The following ADARB1 variants were observed in gnomAD, a reference collection of about 807,000 sequenced individuals.
ADARB1 encodes double-stranded RNA-specific editase 1.
Under a neutral mutation model 52.4 loss-of-function variants are expected in ADARB1, and 10 were observed. The ratio of observed to expected loss-of-function variants is 0.19; its 90% CI spans 0.12 to 0.32. The LOEUF is 0.32. ADARB1 is among the 10% of genes least tolerant of loss of function. The pLI, the probability that ADARB1 is intolerant of heterozygous loss-of-function variation, is 1.00. For synonymous variants in ADARB1, 349 were observed against 371.1 expected, an observed-to-expected ratio of 0.94 and a Z score of 0.68; for missense variants, 643 against 922.3, an observed-to-expected ratio of 0.70 and a Z score of 3.92.
At chr21:45,201,230 G>A (rs947385429) in intron 8 of ADARB1, among the ~76,000 whole-genome samples, 10 of 152,294 alleles carry the variant, frequency 6.6e-5, no homozygotes, top group Admixed American at 3.9e-4. Context: ...TCTCGCTGGC[G>A]CTAGGCGATT....
chr21:45,105,461 A>C (rs2087206184), intron 1 of ADARB1, among the ~76,000 whole-genome samples: 1 of 152,118 alleles, frequency 6.6e-6, no homozygotes, highest in African/African-American at 2.4e-5. Context: ...CATTGGTTTC[A>C]TTTTGGCCTA....
At chr21:45,192,020 C>A (rs2092314696) in intron 8 of ADARB1, among the ~76,000 whole-genome samples, 1 of 150,576 alleles carries the variant, frequency 6.6e-6, no homozygotes, top group African/African-American at 2.5e-5. Flanking sequence ...TCTTCTAGAA[C>A]AAATTTTTAG....
intron 1 of ADARB1, among the ~76,000 whole-genome samples, chr21:45,088,816 C>T (rs2086447923): frequency 6.6e-6 from 1 of 152,218 alleles, no homozygotes; most frequent in Non-Finnish European, 1.5e-5. Context: ...AGACAAGTTG[C>T]ATCATATGCC....
intron 1 of ADARB1, among the ~76,000 whole-genome samples, chr21:45,124,324 A>T (rs1463676884): frequency 6.6e-6 from 1 of 152,038 alleles, no homozygotes; most frequent in Non-Finnish European, 1.5e-5. Flanking sequence ...TTGTTTACTG[A>T]CTATAATCCA....
At chr21:45,082,919 G>A (rs146031312) in intron 1 of ADARB1, among the ~76,000 whole-genome samples, 62 of 152,290 alleles carry the variant, frequency 4.1e-4, no homozygotes, top group African/African-American at 1.2e-3. Context: ...GTCCCCCTGC[G>A]GCCTTCTTTC....
At chr21:45,168,420 G>T (rs2091341434) in intron 2 of ADARB1, among the ~76,000 whole-genome samples, 1 of 152,142 alleles carries the variant, frequency 6.6e-6, no homozygotes, top group Non-Finnish European at 1.5e-5. Flanking sequence ...ATTTTCTCCT[G>T]TAACTTTCTA....
At chr21:45,109,571 G>A (rs2087440814) in intron 1 of ADARB1, among the ~76,000 whole-genome samples, 1 of 152,242 alleles carries the variant, frequency 6.6e-6, no homozygotes, top group East Asian at 1.9e-4. Flanking sequence ...GGGGCTCTGC[G>A]CCCCCCCAGG....
chr21:45,080,734 A>T (rs770179955), intron 1 of ADARB1, among the ~76,000 whole-genome samples: 1 of 152,208 alleles, frequency 6.6e-6, no homozygotes. Flanking sequence ...CACCAAATTC[A>T]GTACTCAGAG....
chr21:45,203,123 A>C (rs1049971995), intron 8 of ADARB1, among the ~76,000 whole-genome samples: 1 of 151,966 alleles, frequency 6.6e-6, no homozygotes, highest in African/African-American at 2.4e-5. Context: ...AGATTGGGCC[A>C]CTCCAGAGGC....
At chr21:45,155,522 A>G (rs1455661421) in intron 2 of ADARB1, among the ~76,000 whole-genome samples, 2 of 151,970 alleles carry the variant, frequency 1.3e-5, no homozygotes, top group African/African-American at 4.8e-5. Context: ...ATTGTAGTCC[A>G]TCCATCTGTC....
At chr21:45,182,391 T>A (rs1039791277) in intron 5 of ADARB1, among the ~76,000 whole-genome samples, 194 bp from the exon 6 acceptor site, 1 of 152,174 alleles carries the variant, frequency 6.6e-6, no homozygotes, top group African/African-American at 2.4e-5. Flanking sequence ...GAGTCCTCAA[T>A]AGGAGGTTGT....
chr21:45,185,326 G>T (rs73232669), intron 8 of ADARB1, among the ~76,000 whole-genome samples: 2 of 152,200 alleles, frequency 1.3e-5, no homozygotes, highest in African/African-American at 2.4e-5. Context: ...CTATCCAAGC[G>T]TCTCAGAGTT....
At chr21:45,171,270 C>G (rs1010548599) in intron 2 of ADARB1, among the ~76,000 whole-genome samples, 2 of 152,210 alleles carry the variant, frequency 1.3e-5, no homozygotes, top group African/African-American at 2.4e-5. Flanking sequence ...TCAAACCCAC[C>G]CTCCTCAGAG....
rs1456305053 is a variant in ADARB1 at position 45,142,084 on chromosome 21, C to A, written c.-48+13511C>A. Reference sequence around the variant, plus strand: ...CTTAGCCACCCCCGGGCCACCTTGGCCACTCTGGGTCACCTTGTCTACCCC... The same window carrying A: ...CTTAGCCACCCCCGGGCCACCTTGGACACTCTGGGTCACCTTGTCTACCCC... On this transcript the variant is annotated intron_variant, in intron 2 of 10. Coordinates refer to ENST00000348831, the MANE Select transcript of ADARB1 (RefSeq NM_001112.4). The surrounding 1 kb of genome is among the most constrained non-coding windows in gnomAD (Gnocchi z 4.0). 6.6e-6 allele frequency among the ~76,000 whole-genome samples: 1 copy of A among 152,224 alleles called. No individual in the cohort carries two copies.
At chr21:45,115,069 G>GAAA (rs2087754996) in intron 1 of ADARB1, among the ~76,000 whole-genome samples, 1 of 147,266 alleles carries the variant, frequency 6.8e-6, no homozygotes, top group Admixed American at 6.9e-5. Context: ...GACAGGCTTT[G>GAAA]TGAGCCTCTT....
chr21:45,098,337 T>C (rs1471711253), intron 1 of ADARB1, among the ~76,000 whole-genome samples: 1 of 152,192 alleles, frequency 6.6e-6, no homozygotes, highest in Non-Finnish European at 1.5e-5. Flanking sequence ...TGGACCACTC[T>C]CCCCGTCTCT....
rs924721462 is a variant in ADARB1 at position 45,142,982 on chromosome 21, G to A, written c.-48+14409G>A. On this transcript the variant is annotated intron_variant, in intron 2 of 10. Coordinates refer to ENST00000348831, the MANE Select transcript of ADARB1 (RefSeq NM_001112.4). This position sits in a 1 kb window ranked among gnomAD's most constrained non-coding sequence, Gnocchi z 4.0. ...AGGCCAAAGCTCCAATGGCATCTGC[G>A]ATGCTTGTAAAACAAGTAGCAGCCG... 6.6e-6 allele frequency among the ~76,000 whole-genome samples: 1 copy of A among 152,200 alleles called. No homozygotes were observed. Among genetic ancestry groups the A allele is most frequent in the Non-Finnish European group, 1.5e-5 (1 of 68,038 alleles).
Position 45,224,646 on chromosome 21 carries a change from T to G in ADARB1, c.*2449T>G. 1 of 848,110 alleles carries G rather than the reference T, an allele frequency of 1.2e-6. No individual in the cohort carries two copies. The highest frequency in any genetic ancestry group is 1.3e-6 in the Non-Finnish European group (1 of 753,222). 52.5% of individuals were successfully genotyped at this position (848,110 alleles called of 1,614,324 possible). A position where few individuals can be genotyped will look rare whatever the true frequency, so the allele number is the denominator to read the frequency against. On this transcript the variant is annotated 3_prime_UTR_variant, in exon 11 of 11. Coordinates refer to ENST00000348831, the MANE Select transcript of ADARB1 (RefSeq NM_001112.4). ...CAGGGAGCCCTGGGCGGGGTGGCTG[T>G]CAGGGGGAACTGGGTTCCGGGAGCC... is the stretch of plus-strand genomic sequence containing the variant.
chr21:45,146,122 TCGGAC>T (rs1569066720), intron 2 of ADARB1: 2 of 130,650 alleles, frequency 1.5e-5, no homozygotes, highest in Admixed American at 7.4e-5. Context: ...GGTTATGGTT[TCGGAC>T]TTACCTGATC....
Sources: gnomAD v4.1 joint callset for allele counts (sites outside exome capture counted in the v4.1 genomes callset) on GRCh38, gnomAD v4.1.1 for gene constraint, Gnocchi (gnomAD v3.1) non-coding constraint, MANE v1.5 for transcripts, NCBI Gene and HGNC (gene_info 2026-07-23, HGNC 2026-07-21) for gene names.